The following ARHGAP10 variants were observed in gnomAD, a reference collection of about 807,000 sequenced individuals.
ARHGAP10 encodes the protein Rho GTPase activating protein 10.
A neutral mutation model predicts 108.6 loss-of-function variants in ARHGAP10; 87 were observed. That is an observed-to-expected ratio of 0.80 (90% confidence interval 0.67 to 0.96). ARHGAP10 has a LOEUF of 0.96. Ranked by LOEUF, ARHGAP10 falls within the 40% of genes least tolerant of loss-of-function variation. The pLI, the probability that ARHGAP10 is intolerant of heterozygous loss-of-function variation, is 0.00. For missense variants in ARHGAP10, 939 were observed against 954.5 expected (o/e 0.98, Z 0.21); for synonymous variants, 347 against 341.1 (o/e 1.02, Z -0.19).
chr4:147,761,168 CA>C (rs1215438328), intron 1 of ARHGAP10, among the ~76,000 whole-genome samples: 1 of 151,866 alleles, frequency 6.6e-6, no homozygotes, highest in Non-Finnish European at 1.5e-5. Context: ...AGGCATGCAC[CA>C]CCATGCCCAG....
intron 3 of ARHGAP10, among the ~76,000 whole-genome samples, chr4:147,825,775 AT>A (rs1170776229): frequency 1.3e-5 from 2 of 151,996 alleles, no homozygotes; most frequent in African/African-American, 2.4e-5. Context: ...AATAGTGTCA[AT>A]TTTTTTTCTT....
chr4:147,970,352 C>T (rs567831389), intron 18 of ARHGAP10, among the ~76,000 whole-genome samples: 9 of 149,528 alleles, frequency 6.0e-5, no homozygotes, highest in Non-Finnish European at 1.3e-4. Flanking sequence ...AAGATGAAAA[C>T]GAGAGAGGGA....
intron 22 of ARHGAP10, among the ~76,000 whole-genome samples, chr4:148,067,019 G>A (rs954909020): frequency 2.6e-5 from 4 of 152,250 alleles, no homozygotes; most frequent in East Asian, 1.9e-4. Flanking sequence ...GGGGCACCCC[G>A]GGTGTCTCAG....
chr4:147,754,752 A>G (rs569524730), intron 1 of ARHGAP10, among the ~76,000 whole-genome samples: 3 of 152,316 alleles, frequency 2.0e-5, no homozygotes, highest in African/African-American at 7.2e-5. Flanking sequence ...ATTTTGCTAC[A>G]TAAGTTGTAC....
chr4:147,927,819 C>A (rs1737521442), intron 13 of ARHGAP10, among the ~76,000 whole-genome samples: 1 of 152,186 alleles, frequency 6.6e-6, no homozygotes, highest in South Asian at 2.1e-4. Flanking sequence ...TGAGGAAAAA[C>A]TGAAGGGCAC....
At chr4:147,890,532 T>C (rs964441889) in intron 10 of ARHGAP10, among the ~76,000 whole-genome samples, 43 of 151,996 alleles carry the variant, frequency 2.8e-4, no homozygotes, top group Non-Finnish European at 2.8e-4. Flanking sequence ...CCAAAGAAAA[T>C]ATGCAAGTGG....
intron 3 of ARHGAP10, among the ~76,000 whole-genome samples, chr4:147,834,839 G>A (rs973234606): frequency 6.7e-6 from 1 of 148,610 alleles, no homozygotes; most frequent in Admixed American, 6.9e-5. Flanking sequence ...ACTGTCTGAT[G>A]GCCCCTCCAG....
At chr4:147,940,808 G>A (rs1738140516) in intron 14 of ARHGAP10, among the ~76,000 whole-genome samples, 1 of 152,168 alleles carries the variant, frequency 6.6e-6, no homozygotes, top group Non-Finnish European at 1.5e-5. Context: ...CTACAGATAG[G>A]ATTGCTTGTT....
intron 4 of ARHGAP10, 21 bp from the exon 5 acceptor site, chr4:147,857,532 T>C (rs759204956): frequency 3.4e-5 from 45 of 1,323,928 alleles, no homozygotes; most frequent in Middle Eastern, 4.0e-4. Flanking sequence ...TGTTTAATCA[T>C]AGTTTTTTTT....
chr4:147,887,225 A>G (rs1735606298), intron 10 of ARHGAP10, among the ~76,000 whole-genome samples: 2 of 151,680 alleles, frequency 1.3e-5, no homozygotes, highest in Non-Finnish European at 2.9e-5. Flanking sequence ...ACCCACCTCC[A>G]CCCTCAGTGC....
Position 147,818,507 on chromosome 4 carries a change from G to A in ARHGAP10, c.155-4220G>A, listed in dbSNP as rs538563553. Among the ~76,000 whole-genome samples the A allele has an allele frequency of 8.6e-5, 13 of 151,216 alleles. No individual in the cohort carries two copies. In the South Asian group the frequency reaches 2.3e-3, roughly 27 times the overall value. On this transcript the variant is annotated intron_variant, in intron 1 of 22. Coordinates refer to ENST00000336498, the MANE Select transcript of ARHGAP10 (RefSeq NM_024605.4). Reference sequence around the variant, plus strand: ...CTTGAATCCGGGAGGCGGAGTTTGCGGTGAGCTGAGATCTTGCCATTGCAT... The same window carrying A: ...CTTGAATCCGGGAGGCGGAGTTTGCAGTGAGCTGAGATCTTGCCATTGCAT...
At chr4:147,732,561 G>A (rs1728260859) in intron 1 of ARHGAP10, 106 bp downstream of exon 1, 1 of 1,479,922 alleles carries the variant, frequency 6.8e-7, no homozygotes, top group African/African-American at 1.4e-5. Context: ...AGCAGCCAGA[G>A]GAACGGGGAA....
In ARHGAP10 at chr4:147,917,610, A is replaced by G. The variant is rs527416535; in HGVS notation, c.1228+4471A>G. On this transcript the variant is annotated intron_variant, in intron 13 of 22. Coordinates refer to ENST00000336498, the MANE Select transcript of ARHGAP10 (RefSeq NM_024605.4). Reference sequence around the variant, plus strand: ...AGACAGATTAGCATAAACAAAGGAGATCATTTTAACTTAAGAGTTTCAGAA... The same window carrying G: ...AGACAGATTAGCATAAACAAAGGAGGTCATTTTAACTTAAGAGTTTCAGAA... Among the ~76,000 whole-genome samples, 57 of 152,330 alleles carry G rather than the reference A, an allele frequency of 3.7e-4. No individual in the cohort carries two copies. The South Asian group carries it at 0.011, about 30-fold the overall frequency.
chr4:147,915,782 A>G (rs1579196736), intron 13 of ARHGAP10, among the ~76,000 whole-genome samples: 1 of 152,326 alleles, frequency 6.6e-6, no homozygotes, highest in Middle Eastern at 3.4e-3. Context: ...ATAAGAGTTT[A>G]AAAGAATCAA....
chr4:147,766,634 G>GTA (rs548373232), intron 1 of ARHGAP10, among the ~76,000 whole-genome samples: 290 of 136,478 alleles, frequency 2.1e-3, no homozygotes, highest in African/African-American at 7.3e-3. Flanking sequence ...ATATATATAC[G>GTA]TATATACACA....
At chr4:147,755,415 C>T (rs905614583) in intron 1 of ARHGAP10, among the ~76,000 whole-genome samples, 8 of 151,434 alleles carry the variant, frequency 5.3e-5, no homozygotes, top group African/African-American at 1.7e-4. Context: ...CCTAGCTACT[C>T]GGGAGGCTGA....
intron 22 of ARHGAP10, among the ~76,000 whole-genome samples, chr4:148,069,317 T>C (rs879368748): frequency 1.2e-4 from 18 of 152,156 alleles, no homozygotes; most frequent in Non-Finnish European, 2.1e-4. Context: ...GGCTCTTGGA[T>C]GTTACAGGAT....
intron 18 of ARHGAP10, among the ~76,000 whole-genome samples, chr4:147,995,235 C>T (rs1355264754): frequency 6.6e-6 from 1 of 152,206 alleles, no homozygotes; most frequent in African/African-American, 2.4e-5. Context: ...TTATGTTTCA[C>T]ATCCTTTTGA....
chr4:147,977,560 G>C (rs868503073), intron 18 of ARHGAP10, among the ~76,000 whole-genome samples: 9 of 152,066 alleles, frequency 5.9e-5, no homozygotes, highest in Admixed American at 3.3e-4. Context: ...ACATTTAATT[G>C]GACATTCCAT....
Sources: allele counts gnomAD v4.1 joint callset (sites outside exome capture counted in the v4.1 genomes callset), GRCh38; gene constraint gnomAD v4.1.1; transcripts MANE v1.5; gene names NCBI Gene and HGNC (gene_info 2026-07-23, HGNC 2026-07-21).